Variants in EPM2A observed in about 807,000 individuals in gnomAD.
EPM2A encodes the protein laforin.
A neutral mutation model predicts 26.5 loss-of-function variants in EPM2A; 21 were observed. The observed-to-expected ratio is 0.79, with a 90% CI of 0.56 to 1.14. The LOEUF is 1.14. EPM2A is among the 50% of genes most tolerant of loss of function. The probability of loss-of-function intolerance (pLI) is 0.00; values close to 1 mark genes in which losing one functional copy is unlikely to be tolerated. For synonymous variants in EPM2A, 217 were observed against 177.6 expected (o/e 1.22, Z -1.76); for missense variants, 458 against 440.8 (o/e 1.04, Z -0.35).
Position 145,429,409 on chromosome 6 carries a change from C to T in EPM2A, c.556-45312G>A, listed in dbSNP as rs143454229. ...GCTTCCATATCTCCTGCATCTAGAA[C>T]AAGACCTGGTGTATATAGCAGGTGA... On this transcript the variant is annotated intron_variant, in intron 4 of 4. Coordinates refer to the EPM2A transcript ENST00000638717. 7.9e-3 allele frequency among the ~76,000 whole-genome samples: 1,195 copies of T among 152,174 alleles called. 16 individuals are homozygous for T. Among genetic ancestry groups the T allele is most frequent in the African/African-American group, 0.026 (1,087 of 41,550 alleles).
chr6:145,621,912 T>C (rs1775645591), downstream of EPM2A, among the ~76,000 whole-genome samples: 1 of 152,196 alleles, frequency 6.6e-6, no homozygotes, highest in Non-Finnish European at 1.5e-5. Context: ...TGTTTTCTTG[T>C]TTCTGTTACT....
chr6:145,575,115 C>A (rs987885342), intron 2 of EPM2A, among the ~76,000 whole-genome samples: 1 of 152,054 alleles, frequency 6.6e-6, no homozygotes, highest in East Asian at 1.9e-4. Context: ...TCAGGGGAGG[C>A]CACCACTGTG....
intron 4 of EPM2A, among the ~76,000 whole-genome samples, chr6:145,406,026 C>G (rs1012688756): frequency 6.0e-5 from 9 of 150,858 alleles, no homozygotes; most frequent in East Asian, 1.9e-4. Flanking sequence ...CAGACAGACA[C>G]ACACACACAC....
intron 4 of EPM2A, among the ~76,000 whole-genome samples, chr6:145,482,443 T>C (rs988090859): frequency 1.3e-5 from 2 of 152,144 alleles, no homozygotes; most frequent in Non-Finnish European, 2.9e-5. Context: ...TTACAGCATG[T>C]AGGTGACAAT....
chr6:145,422,071 A>ATG (rs1298030982), intron 4 of EPM2A, among the ~76,000 whole-genome samples: 7 of 126,356 alleles, frequency 5.5e-5, no homozygotes, highest in African/African-American at 2.0e-4. Context: ...ATATATATAT[A>ATG]TATATAGAGA....
At chr6:145,553,097 TATC>T (rs1380844578) in intron 2 of EPM2A, among the ~76,000 whole-genome samples, 3 of 152,066 alleles carry the variant, frequency 2.0e-5, no homozygotes. Flanking sequence ...GCCATGCTGT[TATC>T]ATGATAATGA....
intron 3 of EPM2A, chr6:145,629,683 G>A (rs1022213661): frequency 6.6e-5 from 10 of 152,322 alleles, no homozygotes; most frequent in African/African-American, 1.4e-4. Flanking sequence ...TCTGCTGCTC[G>A]AGCTGGAAGC....
At chr6:145,720,749 T>C (rs1007073959) in intron 1 of EPM2A, among the ~76,000 whole-genome samples, 2 of 152,212 alleles carry the variant, frequency 1.3e-5, no homozygotes, top group Non-Finnish European at 2.9e-5. Flanking sequence ...ACAGAGTTCA[T>C]AAAATCTACA....
intron 2 of EPM2A, among the ~76,000 whole-genome samples, chr6:145,613,515 A>G (rs1775439495): frequency 6.6e-6 from 1 of 152,202 alleles, no homozygotes; most frequent in Non-Finnish European, 1.5e-5. Flanking sequence ...AGATCCATCA[A>G]GAGGAATCAC....
intron 1 of EPM2A, among the ~76,000 whole-genome samples, chr6:145,688,264 T>G (rs759451481): frequency 1.4e-4 from 22 of 152,152 alleles, no homozygotes; most frequent in Non-Finnish European, 2.9e-4. Flanking sequence ...TTTAAGAAAC[T>G]ACTATATTGG....
chr6:145,662,524 C>G (rs915036874), intron 2 of EPM2A, among the ~76,000 whole-genome samples: 2 of 152,052 alleles, frequency 1.3e-5, no homozygotes, highest in Admixed American at 1.3e-4. Flanking sequence ...ATGATAGGTA[C>G]AGAGGCTAAA....
chr6:145,705,555 AAAAC>A lies in EPM2A; in HGVS notation c.302-19263_302-19260del, dbSNP rs756008263. On this transcript the variant is annotated intron_variant, in intron 1 of 3. Coordinates refer to ENST00000367519, the MANE Select transcript of EPM2A (RefSeq NM_005670.4). ...GGGCGACAGACTGAGACCCTGTCTC[AAAAC>A]AAACAAACAAAGAAAAAGTGCAGGG... is the stretch of plus-strand genomic sequence containing the variant. The A allele has an allele frequency of 2.0e-5, 9 of 456,368 alleles. No individual in the cohort carries two copies. In the East Asian group the frequency reaches 2.8e-4, roughly 14 times the overall value. 28.3% of individuals were successfully genotyped at this position (456,368 alleles called of 1,614,324 possible).
At chr6:145,608,032 T>C (rs1775303930) in intron 2 of EPM2A, among the ~76,000 whole-genome samples, 1 of 152,208 alleles carries the variant, frequency 6.6e-6, no homozygotes, top group Admixed American at 6.5e-5. Flanking sequence ...GCAGCAGTTC[T>C]TTAGCTGTGA....
chr6:145,445,600 C>A (rs1779119492), intron 4 of EPM2A, among the ~76,000 whole-genome samples: 1 of 152,148 alleles, frequency 6.6e-6, no homozygotes, highest in Non-Finnish European at 1.5e-5. Context: ...TGAATAAGCA[C>A]TCCTCAGGGC....
intron 2 of EPM2A, among the ~76,000 whole-genome samples, chr6:145,601,119 TTC>T (rs1186055397): frequency 2.0e-5 from 3 of 152,226 alleles, no homozygotes; most frequent in Non-Finnish European, 2.9e-5. Flanking sequence ...TTAGTAGCAA[TTC>T]TCTGTTATTA....
At chr6:145,584,096 G>A (rs1781153672) in intron 2 of EPM2A, among the ~76,000 whole-genome samples, 1 of 152,224 alleles carries the variant, frequency 6.6e-6, no homozygotes, top group South Asian at 2.1e-4. Flanking sequence ...CAGTGAAGAA[G>A]TGGGGAGGTT....
intron 4 of EPM2A, among the ~76,000 whole-genome samples, chr6:145,392,851 G>A (rs1646061065): frequency 6.6e-6 from 1 of 152,088 alleles, no homozygotes; most frequent in South Asian, 2.1e-4. Flanking sequence ...TATGTGGGAA[G>A]CAGCCTTTAG....
chr6:145,514,079 C>T (rs1780091252), intron 2 of EPM2A, among the ~76,000 whole-genome samples: 1 of 152,142 alleles, frequency 6.6e-6, no homozygotes, highest in African/African-American at 2.4e-5. Flanking sequence ...CAAAAAGTGT[C>T]ACATATGATT....
At chr6:145,387,975 G>T (rs1778285711) in intron 4 of EPM2A, among the ~76,000 whole-genome samples, 1 of 152,050 alleles carries the variant, frequency 6.6e-6, no homozygotes. Flanking sequence ...AATGTTGTTT[G>T]TATTCATTTG....
Sources: gnomAD v4.1 joint callset for allele counts (sites outside exome capture counted in the v4.1 genomes callset) on GRCh38, gnomAD v4.1.1 for gene constraint, MANE v1.5 for transcripts, NCBI Gene and HGNC (gene_info 2026-07-23, HGNC 2026-07-21) for gene names.